NFIA: variants seen among roughly 807,000 people sequenced by gnomAD.
The protein encoded by NFIA is nuclear factor 1 A-type.
NFIA carries 8 observed loss-of-function variants against 62.8 expected under a neutral mutation model. The observed-to-expected ratio is 0.13, with a 90% confidence interval of 0.07 to 0.23. NFIA has a LOEUF of 0.23. Among genes scored for constraint, NFIA ranks in the 10% least tolerant of loss-of-function variants. NFIA has a pLI of 1.00. For missense variants in NFIA, 410 were observed against 642.1 expected (o/e 0.64, Z 3.91); for synonymous variants, 235 against 238.1 (o/e 0.99, Z 0.12).
At chr1:61,141,093 T>C (rs1647485649) in intron 2 of NFIA, among the ~76,000 whole-genome samples, 1 of 149,404 alleles carries the variant, frequency 6.7e-6, no homozygotes, top group Non-Finnish European at 1.5e-5. Flanking sequence ...GAAGAAGGCA[T>C]GTCTGTAAAA....
At chr1:61,157,210 C>T (rs900657659) in intron 2 of NFIA, among the ~76,000 whole-genome samples, 1 of 152,116 alleles carries the variant, frequency 6.6e-6, no homozygotes, top group Admixed American at 6.5e-5. Context: ...AAATAATAAG[C>T]TATTTTTGGC....
intron 3 of NFIA, among the ~76,000 whole-genome samples, chr1:61,306,215 A>G (rs909330099): frequency 2.1e-5 from 3 of 141,264 alleles, no homozygotes; most frequent in Admixed American, 7.4e-5. Flanking sequence ...CTGGTTCTCT[A>G]CCTGCCTACC....
At chr1:61,256,423 G>T (rs1656400919) in intron 2 of NFIA, among the ~76,000 whole-genome samples, 1 of 133,790 alleles carries the variant, frequency 7.5e-6, no homozygotes, top group Non-Finnish European at 1.6e-5. Flanking sequence ...GTGAGAAAGT[G>T]AGACTCCATC....
intron 1 of NFIA, among the ~76,000 whole-genome samples, chr1:61,087,891 A>G (rs1646246304): frequency 6.6e-6 from 1 of 152,154 alleles, no homozygotes; most frequent in African/African-American, 2.4e-5. Context: ...TAGCTGGTGT[A>G]CCCTGGTGAA....
At chr1:61,365,513 G>GA (rs1663540715) in intron 6 of NFIA, among the ~76,000 whole-genome samples, 1 of 152,136 alleles carries the variant, frequency 6.6e-6, no homozygotes, top group Admixed American at 6.5e-5. Flanking sequence ...CTCACTATAA[G>GA]AAAAACAATT....
At chr1:61,297,393 G>T (rs1468938803) in intron 3 of NFIA, among the ~76,000 whole-genome samples, 1 of 152,108 alleles carries the variant, frequency 6.6e-6, no homozygotes, top group Non-Finnish European at 1.5e-5. Context: ...GCAAACCACT[G>T]ACCCATAGCT....
intron 2 of NFIA, among the ~76,000 whole-genome samples, chr1:61,147,976 G>A (rs1648128982): frequency 6.6e-6 from 1 of 152,212 alleles, no homozygotes; most frequent in Admixed American, 6.5e-5. Context: ...TTTCCCTCCA[G>A]GTGTGAATAG....
At chr1:61,392,463 T>C (rs948453470) in intron 7 of NFIA, among the ~76,000 whole-genome samples, 3 of 152,058 alleles carry the variant, frequency 2.0e-5, no homozygotes, top group African/African-American at 7.3e-5. Flanking sequence ...AGCTAATTTG[T>C]CTGCAAGTGA....
intron 4 of NFIA, among the ~76,000 whole-genome samples, chr1:61,341,844 T>C (rs1475707528): frequency 1.3e-5 from 2 of 152,214 alleles, no homozygotes; most frequent in Non-Finnish European, 2.9e-5. Flanking sequence ...ATGGTGGATA[T>C]TCATATCCAG....
intron 6 of NFIA, among the ~76,000 whole-genome samples, chr1:61,370,925 G>A (rs1333761226): frequency 2.0e-5 from 3 of 151,982 alleles, no homozygotes; most frequent in African/African-American, 7.3e-5. Context: ...GAAATTCAAG[G>A]AATGGCAACT....
intron 2 of NFIA, among the ~76,000 whole-genome samples, chr1:61,116,374 A>G (rs1336178308): frequency 6.6e-6 from 1 of 152,226 alleles, no homozygotes; most frequent in Admixed American, 6.5e-5. Flanking sequence ...ACATGGGCAT[A>G]GAAAGTTTAG....
chr1:61,367,353 T>A (rs1663644442), intron 6 of NFIA, among the ~76,000 whole-genome samples: 1 of 152,210 alleles, frequency 6.6e-6, no homozygotes, highest in Non-Finnish European at 1.5e-5. Context: ...CACTAGCATA[T>A]ATTAGAGAAA....
chr1:61,093,946 T>A (rs1408586930), intron 2 of NFIA, among the ~76,000 whole-genome samples: 3 of 152,330 alleles, frequency 2.0e-5, no homozygotes, highest in East Asian at 1.9e-4. Flanking sequence ...GTGTTTCATT[T>A]GGTTAAGGCC....
At chr1:61,358,698 T>C (rs1225580176) in intron 5 of NFIA, among the ~76,000 whole-genome samples, 1 of 152,148 alleles carries the variant, frequency 6.6e-6, no homozygotes, top group African/African-American at 2.4e-5. Flanking sequence ...CAATCCAAGC[T>C]TTTCCTGAAG....
chr1:61,449,754 T>C (rs1667979484), intron 10 of NFIA, among the ~76,000 whole-genome samples: 1 of 152,364 alleles, frequency 6.6e-6, no homozygotes, highest in East Asian at 1.9e-4. Flanking sequence ...TCGGAGTTAC[T>C]GAAAACAGAC....
At chr1:61,115,029 G>T (rs1391689824) in intron 2 of NFIA, among the ~76,000 whole-genome samples, 3 of 152,140 alleles carry the variant, frequency 2.0e-5, no homozygotes, top group African/African-American at 7.2e-5. Context: ...ACCCAGGCTG[G>T]AGTGCAGTGG....
chr1:61,212,669 T>C lies in NFIA; in HGVS notation c.560-64851T>C, dbSNP rs1653342237. ...TATTGATAAAAGAGAACTTTGTGGTTTGATGCATAAAAGAAAATTTACTAT... is the reference window on the plus strand; with the variant it reads ...TATTGATAAAAGAGAACTTTGTGGTCTGATGCATAAAAGAAAATTTACTAT... On this transcript the variant is annotated intron_variant, in intron 2 of 10. Coordinates refer to ENST00000403491, the MANE Select transcript of NFIA (RefSeq NM_001134673.4). Among the ~76,000 whole-genome samples the C allele has an allele frequency of 2.0e-5, 3 of 152,312 alleles. No homozygotes were observed. In the South Asian group the frequency reaches 6.2e-4, roughly 32 times the overall value.
intron 3 of NFIA, among the ~76,000 whole-genome samples, chr1:61,279,177 G>A (rs895295045): frequency 1.3e-5 from 2 of 152,094 alleles, no homozygotes; most frequent in African/African-American, 4.8e-5. Context: ...GGAAAAGATA[G>A]GCAAACGGAA....
intron 7 of NFIA, among the ~76,000 whole-genome samples, chr1:61,389,924 G>A (rs17356783): frequency 0.018 from 2,806 of 152,072 alleles, 38 homozygotes; most frequent in Admixed American, 0.038. Flanking sequence ...TTACTATCTG[G>A]GGACCCATTA....
Sources: gnomAD v4.1 joint callset for allele counts (sites outside exome capture counted in the v4.1 genomes callset) on GRCh38, gnomAD v4.1.1 for gene constraint, MANE v1.5 for transcripts, NCBI Gene and HGNC (gene_info 2026-07-23, HGNC 2026-07-21) for gene names.